ARID4B: variants seen among roughly 807,000 people sequenced by gnomAD.
ARID4B encodes AT-rich interaction domain 4B.
In ARID4B, 26 loss-of-function variants were observed where a neutral mutation model predicts 147.5. That is an observed-to-expected ratio of 0.18 (90% CI 0.13 to 0.24). The LOEUF (loss-of-function observed/expected upper bound fraction) is 0.24, where lower values mean the gene tolerates loss of function less well. ARID4B is among the 10% of genes least tolerant of loss of function. ARID4B has a pLI of 1.00. For missense variants in ARID4B, 1,179 were observed against 1,511.5 expected, an observed-to-expected ratio of 0.78 and a Z score of 3.65; for synonymous variants, 512 against 507.9, an observed-to-expected ratio of 1.01 and a Z score of -0.11.
At chr1:235,173,111 C>T (rs527866095) in intron 22 of ARID4B, among the ~76,000 whole-genome samples, 5 of 151,340 alleles carry the variant, frequency 3.3e-5, no homozygotes, top group East Asian at 2.0e-4. Flanking sequence ...TTTGGGAGGC[C>T]GAGGTGGGCG....
Position 235,182,676 on chromosome 1 carries a change from AGATCATTTCTGTTGTTGGTCAAAT to A in ARID4B, c.2219_2242del (p.His740_Asp747del), listed in dbSNP as rs1664399105. 4.3e-6 allele frequency: 7 copies of A among 1,613,734 alleles called. No individual in the cohort carries two copies. Among genetic ancestry groups the A allele is most frequent in the Non-Finnish European group, 5.1e-6 (6 of 1,180,024 alleles). On this transcript the variant is annotated inframe_deletion, in exon 20 of 24. Coordinates refer to ENST00000264183, the MANE Select transcript of ARID4B (RefSeq NM_016374.6). ...ACTGTTCTGTTCCTCCTTTGAAATAAGATCATTTCTGTTGTTGGTCAAATGATCAATCTTAGATTCCTCTTTGCC... is the reference window on the plus strand; with the variant it reads ...ACTGTTCTGTTCCTCCTTTGAAATAAGATCAATCTTAGATTCCTCTTTGCC...
At chr1:235,199,672 G>A (rs1176872385) in intron 17 of ARID4B, among the ~76,000 whole-genome samples, 3 of 152,198 alleles carry the variant, frequency 2.0e-5, no homozygotes, top group Non-Finnish European at 4.4e-5. Flanking sequence ...GACCAGTGGC[G>A]TGAAGAGGAA....
chr1:235,230,487 A>T (rs1293973209), intron 10 of ARID4B, among the ~76,000 whole-genome samples: 1 of 151,544 alleles, frequency 6.6e-6, no homozygotes. Flanking sequence ...TTCTTCTACC[A>T]TTCCCAGAAA....
In ARID4B at chr1:235,193,093, C is replaced by CA. The variant is rs1055909221; in HGVS notation, c.2125+919dup. 9.8e-3 allele frequency among the ~76,000 whole-genome samples: 1,088 copies of CA among 110,642 alleles called. 3 individuals carry two copies. The highest frequency in any genetic ancestry group is 0.014 in the Non-Finnish European group (738 of 52,260). 72.6% of individuals were successfully genotyped at this position (110,642 alleles called of 152,430 possible). On this transcript the variant is annotated intron_variant, in intron 19 of 23. Transcript: ENST00000264183. ...TGGGTGACAGAGCGAGACTCCGTCT[C>CA]AAAAAAAAAAAAAAAGCAGTCAGTC...
intron 2 of ARID4B, among the ~76,000 whole-genome samples, chr1:235,274,928 A>T (rs1457881394): frequency 1.3e-5 from 2 of 152,154 alleles, no homozygotes; most frequent in African/African-American, 4.8e-5. Flanking sequence ...TCATGTGCTA[A>T]ATCAAATGCA....
intron 20 of ARID4B, 76 bp downstream of exon 20, chr1:235,181,507 CAA>C (rs776136682): frequency 2.6e-6 from 4 of 1,513,222 alleles, no homozygotes; most frequent in African/African-American, 2.8e-5. Flanking sequence ...CAGGTTATAA[CAA>C]GAGATACTGT....
chr1:235,209,897 ACT>A (rs1350432632), intron 17 of ARID4B, among the ~76,000 whole-genome samples: 1 of 151,846 alleles, frequency 6.6e-6, no homozygotes, highest in Non-Finnish European at 1.5e-5. Context: ...AAAGACAGAC[ACT>A]CTTACATTAT....
At chr1:235,235,983 T>A (rs1030899100) in intron 8 of ARID4B, among the ~76,000 whole-genome samples, 1 of 151,366 alleles carries the variant, frequency 6.6e-6, no homozygotes, top group Non-Finnish European at 1.5e-5. Context: ...CTCTGTGCAG[T>A]GGCGTGATCA....
chr1:235,239,277 T>A (rs1668830658), intron 8 of ARID4B, among the ~76,000 whole-genome samples: 1 of 152,182 alleles, frequency 6.6e-6, no homozygotes, highest in Non-Finnish European at 1.5e-5. Flanking sequence ...CCAGCCAAGA[T>A]AATTCTTAAG....
chr1:235,207,002 T>C (rs1013254722), intron 17 of ARID4B, among the ~76,000 whole-genome samples: 2 of 152,236 alleles, frequency 1.3e-5, no homozygotes, highest in African/African-American at 4.8e-5. Context: ...ATGGGCCATG[T>C]CTTTGATCAG....
chr1:235,218,438 T>TA (rs1667236126), intron 16 of ARID4B, among the ~76,000 whole-genome samples: 1 of 152,218 alleles, frequency 6.6e-6, no homozygotes, highest in Admixed American at 6.5e-5. Context: ...TCTGCAGATT[T>TA]AAAAATCAGA....
intron 6 of ARID4B, among the ~76,000 whole-genome samples, chr1:235,251,923 T>G (rs1243672537): frequency 6.6e-6 from 1 of 152,214 alleles, no homozygotes; most frequent in Non-Finnish European, 1.5e-5. Flanking sequence ...AGGATATGGC[T>G]TTGGTGCTAG....
chr1:235,173,760 AAAAAAAAAAAAATAT>A (rs1558165384), intron 22 of ARID4B, among the ~76,000 whole-genome samples: 1 of 52,812 alleles, frequency 1.9e-5, no homozygotes, highest in African/African-American at 1.0e-4. Context: ...AAAAAAAAAA[AAAAAAAAAAAAATAT>A]ATATATATAT....
intron 23 of ARID4B, among the ~76,000 whole-genome samples, chr1:235,171,367 A>G (rs977631102): frequency 6.6e-5 from 10 of 152,168 alleles, no homozygotes; most frequent in Non-Finnish European, 7.4e-5. Context: ...CAGGAGGCGG[A>G]GGTTGTAGTG....
intron 21 of ARID4B, among the ~76,000 whole-genome samples, chr1:235,176,096 T>C (rs984952562): frequency 2.6e-5 from 4 of 152,140 alleles, no homozygotes; most frequent in African/African-American, 7.2e-5. Flanking sequence ...AGTATTTCCA[T>C]AGATAACCTC....
intron 16 of ARID4B, among the ~76,000 whole-genome samples, chr1:235,217,427 T>C (rs1359587000): frequency 1.3e-5 from 2 of 150,032 alleles, no homozygotes; most frequent in African/African-American, 2.5e-5. Flanking sequence ...CTCATATACA[T>C]ACATACACTC....
chr1:235,261,086 G>A (rs1276927917), intron 2 of ARID4B, among the ~76,000 whole-genome samples: 1 of 152,130 alleles, frequency 6.6e-6, no homozygotes, highest in African/African-American at 2.4e-5. Context: ...TACAAGAAAA[G>A]GGTCCGTTGG....
intron 18 of ARID4B, among the ~76,000 whole-genome samples, chr1:235,195,102 A>G (rs1665403441): frequency 6.6e-6 from 1 of 152,184 alleles, no homozygotes; most frequent in Admixed American, 6.6e-5. Context: ...AGTTAGCAGT[A>G]AGCACTATAA....
intron 2 of ARID4B, among the ~76,000 whole-genome samples, chr1:235,282,766 A>G (rs777741046): frequency 1.3e-5 from 2 of 152,084 alleles, no homozygotes; most frequent in Non-Finnish European, 2.9e-5. Flanking sequence ...TACATTACAT[A>G]CTATTTAATT....
Sources: allele counts gnomAD v4.1 joint callset (sites outside exome capture counted in the v4.1 genomes callset), GRCh38; gene constraint gnomAD v4.1.1; transcripts MANE v1.5; gene names NCBI Gene and HGNC (gene_info 2026-07-23, HGNC 2026-07-21).